CDK14: variants seen among roughly 807,000 people sequenced by gnomAD.
CDK14 encodes cyclin-dependent kinase 14.
CDK14 carries 34 observed loss-of-function variants against 60.7 expected under a neutral mutation model. That is an observed-to-expected ratio of 0.56 (90% CI 0.43 to 0.75). CDK14 has a LOEUF of 0.75. Ranked by LOEUF, CDK14 falls within the 30% of genes least tolerant of loss-of-function variation. The pLI is 0.00. For missense variants in CDK14, 482 were observed against 564.1 expected (o/e 0.85, Z 1.47); for synonymous variants, 197 against 203.7 (o/e 0.97, Z 0.28).
chr7:90,970,566 A>T (rs1289892327), intron 9 of CDK14, among the ~76,000 whole-genome samples: 1 of 152,212 alleles, frequency 6.6e-6, no homozygotes, highest in Non-Finnish European at 1.5e-5. Flanking sequence ...TGGATTCAGG[A>T]GATGCAGTTT....
rs540166379 is a variant in CDK14 at position 90,728,662 on chromosome 7, G to A, written c.369+1850G>A. ...GATTTCCTTTGAGTTTCTTGTTTCT[G>A]TTTATTTGTTTTGGTCTCTGCCTTA... On this transcript the variant is annotated intron_variant, in intron 3 of 14. Transcript: ENST00000380050. 3.3e-5 allele frequency among the ~76,000 whole-genome samples: 5 copies of A among 151,854 alleles called. No homozygotes were observed. The South Asian group carries it at 1.0e-3, about 32-fold the overall frequency.
chr7:91,058,230 T>C (rs1030453482), intron 11 of CDK14, among the ~76,000 whole-genome samples: 1 of 152,092 alleles, frequency 6.6e-6, no homozygotes, highest in African/African-American at 2.4e-5. Flanking sequence ...TGTATAAGAA[T>C]GCTTCTGATT....
At position 91,018,060 on chromosome 7, in the gene CDK14, G is replaced by A. The variant is rs146035016; in HGVS notation, c.1042-27837G>A. The stretch of plus-strand genomic sequence containing the variant: ...TCTGAGTGAATTTATAACTGATGAC[G>A]TAAATGGCAAGTACATACATACTGG... On this transcript the variant is annotated intron_variant, in intron 10 of 14. Coordinates refer to ENST00000380050, the MANE Select transcript of CDK14 (RefSeq NM_001287135.2). Among the ~76,000 whole-genome samples the A allele has an allele frequency of 5.3e-4, 80 of 152,234 alleles. 1 individual carries two copies. The highest frequency in any genetic ancestry group is 3.1e-3 in the South Asian group (15 of 4,826).
At chr7:91,100,567 G>C (rs1479457824) in intron 12 of CDK14, among the ~76,000 whole-genome samples, 2 of 152,086 alleles carry the variant, frequency 1.3e-5, no homozygotes, top group Admixed American at 6.6e-5. Context: ...ATTTATGAAA[G>C]GTAAATATGA....
intron 3 of CDK14, among the ~76,000 whole-genome samples, chr7:90,745,639 C>T (rs1040527944): frequency 6.6e-6 from 1 of 152,168 alleles, no homozygotes; most frequent in African/African-American, 2.4e-5. Context: ...TGGTCTCGAT[C>T]TCTTGACCTC....
At position 90,639,497 on chromosome 7, in the gene CDK14, T is replaced by A. The variant is rs17866087; in HGVS notation, c.123+35248T>A. On this transcript the variant is annotated intron_variant, in intron 2 of 14. Coordinates refer to ENST00000380050, the MANE Select transcript of CDK14 (RefSeq NM_001287135.2). ...TGATCGTTCCTCTGGAAGTTTTGTC[T>A]CAGAGGAGTACCTGGCCGTGTGAGG... is the stretch of plus-strand genomic sequence containing the variant. 6.6e-3 allele frequency among the ~76,000 whole-genome samples: 1,010 copies of A among 152,076 alleles called. 16 individuals are homozygous for A. Among genetic ancestry groups the A allele is most frequent in the African/African-American group, 0.024 (976 of 41,450 alleles).
chr7:91,009,661 T>A (rs184978669), intron 10 of CDK14, among the ~76,000 whole-genome samples: 18 of 152,290 alleles, frequency 1.2e-4, no homozygotes, highest in African/African-American at 4.1e-4. Flanking sequence ...TTTGTTCAGA[T>A]CTTTTGTTCC....
intron 10 of CDK14, among the ~76,000 whole-genome samples, chr7:91,035,707 C>T (rs981770926): frequency 2.0e-5 from 3 of 151,898 alleles, no homozygotes; most frequent in Non-Finnish European, 4.4e-5. Context: ...ATGATTACAT[C>T]TGTATGAATT....
intron 3 of CDK14, among the ~76,000 whole-genome samples, chr7:90,740,288 G>GAA (rs1562746985): frequency 6.7e-6 from 1 of 149,574 alleles, no homozygotes; most frequent in African/African-American, 2.4e-5. Context: ...GAGAGAGAGA[G>GAA]AGAAAGAAAG....
At chr7:90,958,759 A>G (rs944131182) in intron 9 of CDK14, among the ~76,000 whole-genome samples, 17 of 152,068 alleles carry the variant, frequency 1.1e-4, no homozygotes, top group Non-Finnish European at 2.1e-4. Context: ...TTTTTTGAGT[A>G]TGGAAATTCT....
At chr7:90,797,042 C>G (rs553271725) in intron 5 of CDK14, among the ~76,000 whole-genome samples, 1 of 151,628 alleles carries the variant, frequency 6.6e-6, no homozygotes, top group Non-Finnish European at 1.5e-5. Context: ...TTTACTGAAT[C>G]GACATACACA....
intron 6 of CDK14, among the ~76,000 whole-genome samples, chr7:90,867,043 C>A (rs1056455623): frequency 6.6e-6 from 1 of 152,244 alleles, no homozygotes; most frequent in African/African-American, 2.4e-5. Flanking sequence ...ATGTGGGCCC[C>A]TCTGATGCAT....
intron 4 of CDK14, among the ~76,000 whole-genome samples, chr7:90,781,476 C>T (rs976548804): frequency 1.3e-5 from 2 of 150,224 alleles, no homozygotes; most frequent in Non-Finnish European, 3.0e-5. Flanking sequence ...GTGTTTTAGA[C>T]ATGAAGTCCT....
At chr7:90,788,663 A>G (rs2116959826) in intron 4 of CDK14, among the ~76,000 whole-genome samples, 1 of 152,312 alleles carries the variant, frequency 6.6e-6, no homozygotes, top group East Asian at 1.9e-4. Context: ...AGGATGGTTC[A>G]ACTATGATGA....
chr7:90,950,730 T>G (rs1283828454), intron 8 of CDK14, among the ~76,000 whole-genome samples: 2 of 152,210 alleles, frequency 1.3e-5, no homozygotes, highest in African/African-American at 4.8e-5. Context: ...TGGACATTTT[T>G]GATTTAGAAA....
At chr7:90,955,643 T>C (rs1344261410) in intron 8 of CDK14, 54 bp from the exon 9 acceptor site, 1 of 1,603,694 alleles carries the variant, frequency 6.2e-7, no homozygotes, top group Non-Finnish European at 8.5e-7. Context: ...AAATTTAAAT[T>C]CCCTTGTTTT....
At chr7:90,827,251 A>G (rs1183067423) in intron 5 of CDK14, among the ~76,000 whole-genome samples, 1 of 152,162 alleles carries the variant, frequency 6.6e-6, no homozygotes, top group Non-Finnish European at 1.5e-5. Flanking sequence ...TTGCATTTAA[A>G]GTTCCTGTAT....
At chr7:90,606,688 G>A (rs192359524) in intron 2 of CDK14, among the ~76,000 whole-genome samples, 45 of 152,320 alleles carry the variant, frequency 3.0e-4, no homozygotes, top group South Asian at 1.0e-3. Flanking sequence ...TTTAGATTCC[G>A]TATGGGGGTG....
chr7:90,796,695 T>A (rs938794030), intron 5 of CDK14, among the ~76,000 whole-genome samples: 7 of 152,052 alleles, frequency 4.6e-5, no homozygotes, highest in African/African-American at 1.7e-4. Flanking sequence ...CTTGTTAGAT[T>A]TCAACAGGGT....
Sources: allele counts gnomAD v4.1 joint callset (sites outside exome capture counted in the v4.1 genomes callset), GRCh38; gene constraint gnomAD v4.1.1; transcripts MANE v1.5; gene names NCBI Gene and HGNC (gene_info 2026-07-23, HGNC 2026-07-21).